The following MAP3K20 variants were observed in gnomAD, a reference collection of about 807,000 sequenced individuals.
MAP3K20 encodes mitogen-activated protein kinase kinase kinase 20.
A neutral mutation model predicts 85.7 loss-of-function variants in MAP3K20; 40 were observed. That is an observed-to-expected ratio of 0.47 (90% CI 0.36 to 0.61). The LOEUF (loss-of-function observed/expected upper bound fraction) is 0.61, where lower values mean the gene tolerates loss of function less well. MAP3K20 is among the 20% of genes least tolerant of loss of function. The pLI is 0.00. For synonymous variants in MAP3K20, 325 were observed against 327.7 expected, an observed-to-expected ratio of 0.99 and a Z score of 0.09; for missense variants, 817 against 961.7, an observed-to-expected ratio of 0.85 and a Z score of 1.99.
chr2:173,229,971 A>G (rs1684484161), intron 12 of MAP3K20, among the ~76,000 whole-genome samples: 2 of 152,146 alleles, frequency 1.3e-5, no homozygotes, highest in South Asian at 2.1e-4. Context: ...AGCTAAGACT[A>G]TAGGTTCCCA....
chr2:173,263,757 A>G lies in MAP3K20; in HGVS notation c.1564A>G (p.Thr522Ala). 2 of 1,607,598 alleles carry G rather than the reference A, an allele frequency of 1.2e-6. No homozygotes were observed. Among genetic ancestry groups the G allele is most frequent in the Admixed American group, 1.7e-5 (1 of 57,976 alleles). The change falls in exon 19 of 20, where the codon ACT (threonine) becomes GCT (alanine). Residue 522 changes from threonine (T) to alanine (A), a missense_variant. This residue lies in a region of MAP3K20 where 454 missense variants were observed against 476.9 expected (regional missense o/e 0.95). Transcript: ENST00000375213. The part of the protein sequence containing the change: ...CTVTYESDVR[T>A]PKSTKHVHSI... ...TTTGTTTTACCAGAGTGATGTTAGA[A>G]CTCCAAAAAGCACTAAACATGTCCA... is the stretch of plus-strand genomic sequence containing the variant.
rs570810322 is a variant in MAP3K20, at chr2:173,150,754, C to T, written c.160-19051C>T. Reference sequence around the variant, plus strand: ...CTAATTTTCATATCTTTAGCAGAGACGGGGTTTCACCGTGTTGGTCAGGCT... The same window carrying T: ...CTAATTTTCATATCTTTAGCAGAGATGGGGTTTCACCGTGTTGGTCAGGCT... On this transcript the variant is annotated intron_variant, in intron 2 of 19. Transcript: ENST00000375213. Among the ~76,000 whole-genome samples, 5 of 152,150 alleles carry T rather than the reference C, an allele frequency of 3.3e-5. No homozygotes were observed. In the East Asian group the frequency reaches 5.8e-4, roughly 18 times the overall value.
intron 18 of MAP3K20, among the ~76,000 whole-genome samples, chr2:173,261,910 G>A (rs113277872): frequency 4.3e-4 from 66 of 151,978 alleles, no homozygotes; most frequent in Middle Eastern, 3.4e-3. Context: ...CCAGCTACTC[G>A]GGAGGTTGAA....
At chr2:173,134,966 T>A (rs1318322307) in intron 2 of MAP3K20, among the ~76,000 whole-genome samples, 1 of 152,202 alleles carries the variant, frequency 6.6e-6, no homozygotes, top group Non-Finnish European at 1.5e-5. Flanking sequence ...TTCTTTAACA[T>A]ATTTGTGCCT....
intron 2 of MAP3K20, among the ~76,000 whole-genome samples, chr2:173,141,144 C>G (rs1431490443): frequency 6.6e-6 from 1 of 152,084 alleles, no homozygotes; most frequent in Non-Finnish European, 1.5e-5. Context: ...CTACCACATT[C>G]CTTTTAATAA....
chr2:173,264,051 T>G (rs946124805), intron 19 of MAP3K20, among the ~76,000 whole-genome samples, 156 bp downstream of exon 19: 1 of 152,172 alleles, frequency 6.6e-6, no homozygotes, highest in African/African-American at 2.4e-5. Context: ...ACTGGCTTAC[T>G]CCAATAATTC....
intron 19 of MAP3K20, among the ~76,000 whole-genome samples, chr2:173,264,485 A>G (rs1193881925): frequency 6.6e-6 from 1 of 152,154 alleles, no homozygotes; most frequent in Non-Finnish European, 1.5e-5. Context: ...CTGTTCTTAT[A>G]TATAGGAGTA....
intron 3 of MAP3K20, among the ~76,000 whole-genome samples, chr2:173,175,929 A>G (rs1403101723): frequency 6.6e-6 from 1 of 152,190 alleles, no homozygotes; most frequent in Non-Finnish European, 1.5e-5. Flanking sequence ...ACTGGTTATC[A>G]TGTTTCCCAA....
At chr2:173,222,967 A>C (rs1228999326) in intron 11 of MAP3K20, 4 of 985,344 alleles carry the variant, frequency 4.1e-6, no homozygotes, top group Non-Finnish European at 4.8e-6. Context: ...TTGACTGTTA[A>C]ACCAAAATAT....
chr2:173,122,053 C>T (rs1688310942), intron 2 of MAP3K20, among the ~76,000 whole-genome samples: 1 of 152,212 alleles, frequency 6.6e-6, no homozygotes, highest in Non-Finnish European at 1.5e-5. Context: ...ACATCCTCTT[C>T]CTTCAAATTC....
chr2:173,235,971 G>A (rs1204703355), intron 14 of MAP3K20, among the ~76,000 whole-genome samples: 4 of 152,054 alleles, frequency 2.6e-5, no homozygotes, highest in African/African-American at 9.7e-5. Flanking sequence ...ATCGGTGGTC[G>A]AAAGGGTCTA....
At chr2:173,250,272 C>CATAA (rs1685013759) in intron 16 of MAP3K20, among the ~76,000 whole-genome samples, 1 of 152,182 alleles carries the variant, frequency 6.6e-6, no homozygotes, top group African/African-American at 2.4e-5. Context: ...ATTGTGCCAT[C>CATAA]ATAAATACTT....
At chr2:173,105,116 G>A (rs561131537) in intron 2 of MAP3K20, among the ~76,000 whole-genome samples, 1 of 152,322 alleles carries the variant, frequency 6.6e-6, no homozygotes, top group African/African-American at 2.4e-5. Context: ...ATAGTGACGT[G>A]AAATGGTTTG....
chr2:173,256,526 T>TAGACAGAC lies in MAP3K20; in HGVS notation c.1360-2170_1360-2169insCAGACAGA, dbSNP rs1210473187. Among the ~76,000 whole-genome samples the TAGACAGAC allele has an allele frequency of 2.7e-3, 270 of 101,500 alleles. 1 individual carries two copies. In the East Asian group the frequency reaches 0.03, roughly 11 times the overall value. 66.6% of individuals were successfully genotyped at this position (101,500 alleles called of 152,430 possible). A position where few individuals can be genotyped will look rare whatever the true frequency, so the allele number is the denominator to read the frequency against. ...ATAGATAGATAGATAGATAGATAGA[T>TAGACAGAC]AGATAGACAGACAGACAGACAGATA... On this transcript the variant is annotated intron_variant, in intron 16 of 19. Transcript: ENST00000375213.
At chr2:173,258,907 G>A (rs895232745) in intron 17 of MAP3K20, 92 bp downstream of exon 17, 38 of 796,916 alleles carry the variant, frequency 4.8e-5, no homozygotes, top group Non-Finnish European at 7.5e-5. Flanking sequence ...TTTTGTGCTT[G>A]TCCATGCTCA....
chr2:173,266,594 C>G lies in MAP3K20; in HGVS notation c.2247C>G (p.His749Gln). The G allele has an allele frequency of 6.2e-7, 1 of 1,613,858 alleles. No homozygotes were observed. Among genetic ancestry groups the G allele is most frequent in the Non-Finnish European group, 8.5e-7 (1 of 1,179,964 alleles). The change falls in exon 20 of 20, where the codon CAC becomes CAG. Residue 749 changes from histidine to glutamine, a missense_variant. This residue lies in a region of MAP3K20 where 454 missense variants were observed against 476.9 expected (regional missense o/e 0.95). Coordinates refer to ENST00000375213, the MANE Select transcript of MAP3K20 (RefSeq NM_016653.3). Reference sequence around the variant, plus strand: ...ACACCATACCAGGGATGCCTTTGCACCCTGAGACTGACTCAAGAGCCAGTG... The same window carrying G: ...ACACCATACCAGGGATGCCTTTGCAGCCTGAGACTGACTCAAGAGCCAGTG... ...QPNTIPGMPL[H>Q]PETDSRASEE...
intron 14 of MAP3K20, among the ~76,000 whole-genome samples, chr2:173,236,962 GTC>G (rs939006955): frequency 6.7e-6 from 1 of 148,364 alleles, no homozygotes; most frequent in African/African-American, 2.5e-5. Flanking sequence ...TTCTCCAAGA[GTC>G]TCTCAGTCCT....
chr2:173,190,928 G>A lies in MAP3K20; in HGVS notation c.444+5G>A, dbSNP rs769745654. 15 of 1,602,570 alleles carry A rather than the reference G, an allele frequency of 9.4e-6. No homozygotes were observed. The highest frequency in any genetic ancestry group is 1.3e-5 in the African/African-American group (1 of 74,128). On this transcript the variant is annotated splice_donor_5th_base_variant and intron_variant, in intron 6 of 19. Transcript: ENST00000375213. The stretch of plus-strand genomic sequence containing the variant: ...GCTGCTGATGGAGTATTGAAGGTAG[G>A]ACTATTTCTTTTACTTAAAAAAATT...
intron 16 of MAP3K20, among the ~76,000 whole-genome samples, chr2:173,242,244 C>T (rs1014693443): frequency 5.3e-5 from 8 of 151,028 alleles, no homozygotes; most frequent in African/African-American, 7.3e-5. Context: ...GGCGCGATCT[C>T]GGCTCACTGC....
Sources: allele counts gnomAD v4.1 joint callset (sites outside exome capture counted in the v4.1 genomes callset), GRCh38; gene constraint gnomAD v4.1.1; regional missense constraint gnomAD v4.1.1; transcripts MANE v1.5; gene names NCBI Gene and HGNC (gene_info 2026-07-23, HGNC 2026-07-21).